The following NAPSA variants were observed in gnomAD, a reference collection of about 807,000 sequenced individuals.
NAPSA encodes napsin-A.
NAPSA carries 37 observed loss-of-function variants against 36.7 expected under a neutral mutation model. The ratio of observed to expected loss-of-function variants is 1.01; its 90% confidence interval spans 0.78 to 1.33. The LOEUF (loss-of-function observed/expected upper bound fraction) is 1.33, where lower values mean the gene tolerates loss of function less well. NAPSA is among the 40% of genes most tolerant of loss of function. NAPSA has a pLI of 0.00. For synonymous variants in NAPSA, 222 were observed against 234.5 expected (o/e 0.95, Z 0.49); for missense variants, 532 against 543.8 (o/e 0.98, Z 0.21).
chr19:50,365,008 AATAAATAAT>A (rs1173157850), intron 1 of NAPSA, among the ~76,000 whole-genome samples: 3 of 111,000 alleles, frequency 2.7e-5, no homozygotes, highest in Non-Finnish European at 5.3e-5. Flanking sequence ...TAATAATAAT[AATAAATAAT>A]AATAATAATA....
In NAPSA at chr19:50,361,687, T is replaced by G; in HGVS notation, c.444A>C (p.Gly148=). ...AIQYGTGRVD[G]ILSEDKLTIG... The stretch of plus-strand genomic sequence containing the variant: ...CAGTCAGCTTGTCCTCGCTCAGGAT[T>G]CCATCTACCCGCCCAGTTCCATATT... The change falls in exon 4 of 9, where the codon GGA becomes GGC. Residue 148 remains glycine, a synonymous_variant. Transcript: ENST00000253719. The G allele has an allele frequency of 1.2e-6, 2 of 1,613,986 alleles. No individual in the cohort carries two copies. Among genetic ancestry groups the G allele is most frequent in the Non-Finnish European group, 1.7e-6 (2 of 1,179,992 alleles).
At chr19:50,361,180 G>A in intron 4 of NAPSA, 40 bp from the exon 5 acceptor site, 5 of 1,561,398 alleles carry the variant, frequency 3.2e-6, no homozygotes, top group Non-Finnish European at 4.4e-6. Flanking sequence ...CTTTTGGGAG[G>A]ACAATAACCA....
In NAPSA at chr19:50,358,549, G is replaced by A. The variant is rs967116872; in HGVS notation, c.*4C>T. The A allele has an allele frequency of 1.3e-6, 2 of 1,582,606 alleles. No individual in the cohort carries two copies. The highest frequency in any genetic ancestry group is 1.7e-6 in the Non-Finnish European group (2 of 1,164,842). On this transcript the variant is annotated 3_prime_UTR_variant, in exon 9 of 9. Coordinates refer to ENST00000253719, the MANE Select transcript of NAPSA (RefSeq NM_004851.3). ...ACCCGCTGCGCATGCGCTTCACTTG[G>A]GCGTCACCCGGGGAACTGCGCCTGC...
In NAPSA at chr19:50,359,502, C is replaced by G. The variant is rs1195433316; in HGVS notation, c.936+1G>C. The stretch of plus-strand genomic sequence containing the variant: ...CCGTACCCACCAGACTGGGACCTCA[C>G]CTCCCCAGCCAGCAAGGGGATTCCC... On this transcript the variant is annotated splice_donor_variant, in intron 7 of 8. Coordinates refer to ENST00000253719, the MANE Select transcript of NAPSA (RefSeq NM_004851.3). LOFTEE classifies it high-confidence loss of function. 9 of 1,614,116 alleles carry G rather than the reference C, an allele frequency of 5.6e-6. No individual in the cohort carries two copies. The highest frequency in any genetic ancestry group is 7.6e-6 in the Non-Finnish European group (9 of 1,180,028).
upstream of NAPSA, chr19:50,369,253 T>C (rs968399060): frequency 4.6e-5 from 7 of 152,306 alleles, no homozygotes; most frequent in Admixed American, 1.3e-4. Flanking sequence ...GCAGCCCAGG[T>C]GCACTTGGAG....
chr19:50,358,568 C>T lies in NAPSA; in HGVS notation c.1248G>A (p.Ala416=). The change falls in exon 9 of 9, where the codon GCG becomes GCA. Residue 416 remains alanine, a synonymous_variant. Transcript: ENST00000253719. ...CACTTGGGCGTCACCCGGGGAACTG[C>T]GCCTGCGCAGTCTCTCCCCATCCGA... is the stretch of plus-strand genomic sequence containing the variant. ...ADLGWGETAQ[A]QFPG 6.2e-7 allele frequency: 1 copy of T among 1,601,822 alleles called. No homozygotes were observed.
At chr19:50,358,811 C>T in intron 8 of NAPSA, 31 bp from the exon 9 acceptor site, 1 of 1,569,670 alleles carries the variant, frequency 6.4e-7, no homozygotes, top group South Asian at 1.1e-5. Context: ...AACTGGGTGT[C>T]GCGGCCACAA....
At chr19:50,368,353 G>A (rs973167405), upstream of NAPSA, among the ~76,000 whole-genome samples, 5 of 151,610 alleles carry the variant, frequency 3.3e-5, no homozygotes, top group Non-Finnish European at 5.9e-5. Context: ...TTATCTGGGC[G>A]TAATGGCACA....
Position 50,359,033 on chromosome 19 carries a change from G to A in NAPSA, c.1013C>T (p.Thr338Met), listed in dbSNP as rs2123604373. The change falls in exon 8 of 9, where the codon ACG becomes ATG. Residue 338 changes from threonine to methionine, a missense_variant. Physicochemically the swap from Thr to Met is moderately conservative, Grantham distance 81. Coordinates refer to ENST00000253719, the MANE Select transcript of NAPSA (RefSeq NM_004851.3). ...TACCTGGATGACGTAATCATGGGCC[G>A]TGAGGTTAAACCAGACCCCCCCAAG... ...FLLGGVWFNL[T>M]AHDYVIQTTR... 4.3e-6 allele frequency: 7 copies of A among 1,613,926 alleles called. No individual in the cohort carries two copies. Among genetic ancestry groups the A allele is most frequent in the Non-Finnish European group, 5.1e-6 (6 of 1,179,836 alleles).
intron 1 of NAPSA, among the ~76,000 whole-genome samples, chr19:50,364,995 TAATAATAATAATAATA>T (rs1030498579): frequency 6.5e-5 from 7 of 107,464 alleles, no homozygotes; most frequent in South Asian, 3.0e-4. Flanking sequence ...CTGTCTCAAA[TAATAATAATAATAATA>T]AATAATAATA....
In NAPSA at chr19:50,362,221, G is replaced by T; in HGVS notation, c.176C>A (p.Pro59Gln). The change falls in exon 2 of 9, where the codon CCA becomes CAA. Residue 59 changes from proline to glutamine, a missense_variant. Coordinates refer to ENST00000253719, the MANE Select transcript of NAPSA (RefSeq NM_004851.3). Reference protein sequence around the residue: ...EPAELPKLGAPSPGDKPIFVP... With the variant: ...EPAELPKLGAQSPGDKPIFVP... The stretch of plus-strand genomic sequence containing the variant: ...GAAGATGGGCTTGTCCCCAGGGGAT[G>T]GGGCCCCCAACTTGGGGAGCTCTGC... The T allele has an allele frequency of 6.2e-7, 1 of 1,614,064 alleles. No homozygotes were observed. The highest frequency in any genetic ancestry group is 1.3e-5 in the African/African-American group (1 of 75,040).
At chr19:50,365,708 G>C, upstream of NAPSA, 1 of 1,102,952 alleles carries the variant, frequency 9.1e-7, no homozygotes. Context: ...CCCACCTCCA[G>C]GTTTAGAAGG....
At chr19:50,365,897 C>A (rs187491477), upstream of NAPSA, 517 of 317,222 alleles carry the variant, frequency 1.6e-3, 1 homozygote, top group African/African-American at 9.2e-3. Flanking sequence ...CACCTCCCAC[C>A]CCCCCATCCT....
chr19:50,361,337 C>A, intron 4 of NAPSA, 197 bp from the exon 5 acceptor site: 1 of 602,076 alleles, frequency 1.7e-6, no homozygotes, highest in Non-Finnish European at 2.9e-6. Flanking sequence ...GAAGCCCCAC[C>A]TCTTCACCCA....
chr19:50,361,888 A>G (rs1601125753), intron 3 of NAPSA, 81 bp downstream of exon 3: 2 of 1,600,366 alleles, frequency 1.2e-6, no homozygotes, highest in Non-Finnish European at 1.7e-6. Context: ...CAGTTCCTCA[A>G]AAGCCTCTGA....
upstream of NAPSA, among the ~76,000 whole-genome samples, chr19:50,366,867 C>T (rs1442892644): frequency 4.1e-5 from 6 of 148,028 alleles, no homozygotes; most frequent in Non-Finnish European, 8.9e-5. Flanking sequence ...GAGTTTCACT[C>T]TTATTGCCTA....
chr19:50,364,475 C>T (rs1183883488), intron 1 of NAPSA, among the ~76,000 whole-genome samples: 1 of 150,616 alleles, frequency 6.6e-6, no homozygotes, highest in Non-Finnish European at 1.5e-5. Flanking sequence ...ATTAGCCGGG[C>T]GTGGTGGCGG....
chr19:50,363,176 C>T (rs927551927), intron 1 of NAPSA, among the ~76,000 whole-genome samples: 3 of 152,140 alleles, frequency 2.0e-5, no homozygotes, highest in Admixed American at 6.6e-5. Flanking sequence ...CCCGTCACCC[C>T]CCATGAGTCA....
chr19:50,368,834 C>T (rs2037581166), upstream of NAPSA, among the ~76,000 whole-genome samples: 1 of 152,264 alleles, frequency 6.6e-6, no homozygotes, highest in African/African-American at 2.4e-5. Flanking sequence ...ACCAGGCTCT[C>T]TCCAGCTTTC....
Sources: allele counts gnomAD v4.1 joint callset (sites outside exome capture counted in the v4.1 genomes callset), GRCh38; gene constraint gnomAD v4.1.1; transcripts MANE v1.5; gene names NCBI Gene and HGNC (gene_info 2026-07-23, HGNC 2026-07-21).